Variants in PIAS1 observed in about 807,000 individuals in gnomAD.
PIAS1 encodes the protein protein inhibitor of activated STAT 1, also known as E3 SUMO-protein ligase PIAS1.
A neutral mutation model predicts 71.3 loss-of-function variants in PIAS1; 6 were observed. That is an observed-to-expected ratio of 0.08 (90% CI 0.05 to 0.17). The LOEUF (loss-of-function observed/expected upper bound fraction) is 0.17. Among genes scored for constraint, PIAS1 ranks in the 10% least tolerant of loss-of-function variants. The pLI is 1.00. For synonymous variants in PIAS1, 303 were observed against 292.9 expected (o/e 1.03, Z -0.35); for missense variants, 555 against 793.6 (o/e 0.70, Z 3.61).
At position 68,187,867 on chromosome 15, in the gene PIAS1, C is replaced by G. The variant is rs187975525; in HGVS notation, c.*32C>G. On this transcript the variant is annotated 3_prime_UTR_variant, in exon 14 of 14. Coordinates refer to ENST00000249636, the MANE Select transcript of PIAS1 (RefSeq NM_016166.3). This position sits in a 1 kb window ranked among gnomAD's most constrained non-coding sequence, Gnocchi z 5.3. Reference sequence around the variant, plus strand: ...GGCCCTGCTGCTCCCATCCCCACCCCAGATCGAATGAACTTGGCAGAAAGA... The same window carrying G: ...GGCCCTGCTGCTCCCATCCCCACCCGAGATCGAATGAACTTGGCAGAAAGA... 2.0e-5 allele frequency: 32 copies of G among 1,586,696 alleles called. 1 individual carries two copies. Among genetic ancestry groups the G allele is most frequent in the South Asian group, 1.2e-4 (11 of 89,124 alleles).
At chr15:68,113,968 T>G (rs965938547) in intron 2 of PIAS1, among the ~76,000 whole-genome samples, 1 of 151,800 alleles carries the variant, frequency 6.6e-6, no homozygotes, top group Non-Finnish European at 1.5e-5. Flanking sequence ...AATTCAGAAA[T>G]CTAGCAATAG....
In PIAS1 at chr15:68,191,648, T is replaced by G. The variant is rs1482871929; in HGVS notation, c.*3813T>G. ...TGAATATAGCCATCATTTCCCTTTC[T>G]TGTTGAAATATGGCTAACTCTTTAA... is the stretch of plus-strand genomic sequence containing the variant. On this transcript the variant is annotated 3_prime_UTR_variant, in exon 14 of 14. Transcript: ENST00000249636. 6.5e-6 allele frequency: 1 copy of G among 152,672 alleles called. No homozygotes were observed. Among genetic ancestry groups the G allele is most frequent in the Non-Finnish European group, 1.5e-5 (1 of 68,048 alleles). 9.5% of individuals were successfully genotyped at this position (152,672 alleles called of 1,614,324 possible).
Position 68,187,447 on chromosome 15 carries a change from C to A in PIAS1, c.1663-95C>A. 1 of 1,127,940 alleles carries A rather than the reference C, an allele frequency of 8.9e-7. No homozygotes were observed. Among genetic ancestry groups the A allele is most frequent in the South Asian group, 1.5e-5 (1 of 68,002 alleles). 69.9% of individuals were successfully genotyped at this position (1,127,940 alleles called of 1,614,324 possible). A position where few individuals can be genotyped will look rare whatever the true frequency, so the allele number is the denominator to read the frequency against. On this transcript the variant is annotated intron_variant, in intron 13 of 13. Transcript: ENST00000249636. The surrounding 1 kb of genome is among the most constrained non-coding windows in gnomAD (Gnocchi z 5.3). ...ATTTCAGAAACCCTAGATACTCAGG[C>A]TATCTTAAATTTAGGGCTGTGTCCC...
chr15:68,069,108 C>G (rs559927958), intron 1 of PIAS1, among the ~76,000 whole-genome samples: 119 of 151,682 alleles, frequency 7.8e-4, no homozygotes, highest in African/African-American at 2.8e-3. Flanking sequence ...GTTGGCCAGG[C>G]TGGTCTCGAA....
intron 2 of PIAS1, among the ~76,000 whole-genome samples, chr15:68,124,735 CAAAT>C (rs920524538): frequency 1.3e-5 from 2 of 151,936 alleles, no homozygotes; most frequent in South Asian, 2.1e-4. Flanking sequence ...AACAAACAAA[CAAAT>C]AAACAAAACC....
In PIAS1 at chr15:68,176,565, A is replaced by C. The variant is rs183046831; in HGVS notation, c.1392A>C (p.Ile464=). Residue 464 remains isoleucine, a synonymous_variant, in exon 11 of 14, where the codon ATA becomes ATC. Coordinates refer to ENST00000249636, the MANE Select transcript of PIAS1 (RefSeq NM_016166.3). Reference sequence around the variant, plus strand: ...AAGTAGAAGTGATTGACCTAACCATAGACAGTTCATCTGATGAAGAGGAAG... The same window carrying C: ...AAGTAGAAGTGATTGACCTAACCATCGACAGTTCATCTGATGAAGAGGAAG... ...NKKVEVIDLT[I]DSSSDEEEEE... 150 of 1,613,184 alleles carry C rather than the reference A, an allele frequency of 9.3e-5. No individual in the cohort carries two copies. Among genetic ancestry groups the C allele is most frequent in the Admixed American group, 3.0e-4 (18 of 59,900 alleles).
chr15:68,105,987 T>C (rs2092465126), intron 2 of PIAS1, among the ~76,000 whole-genome samples: 1 of 152,074 alleles, frequency 6.6e-6, no homozygotes, highest in South Asian at 2.1e-4. Context: ...CATAAACATT[T>C]TACCATTTAA....
chr15:68,083,745 CAATT>C (rs2092251518), intron 1 of PIAS1, among the ~76,000 whole-genome samples: 1 of 147,338 alleles, frequency 6.8e-6, no homozygotes. Context: ...ATAATTATGA[CAATT>C]GATGATGAAT....
At chr15:68,121,279 T>G (rs1030463310) in intron 2 of PIAS1, among the ~76,000 whole-genome samples, 4 of 151,956 alleles carry the variant, frequency 2.6e-5, no homozygotes, top group African/African-American at 9.7e-5. Context: ...TTTTTTTCTT[T>G]TGGCACTTCA....
chr15:68,102,865 T>C (rs1433371149), intron 2 of PIAS1, among the ~76,000 whole-genome samples: 1 of 152,168 alleles, frequency 6.6e-6, no homozygotes, highest in East Asian at 1.9e-4. Context: ...CTTTGCCTTA[T>C]TGCTTTATGG....
chr15:68,132,914 A>G (rs1185378435), intron 2 of PIAS1, among the ~76,000 whole-genome samples: 1 of 151,642 alleles, frequency 6.6e-6, no homozygotes, highest in East Asian at 1.9e-4. Context: ...TTCTTATCCC[A>G]TTCTCTGTCT....
In PIAS1 at chr15:68,096,098, A is replaced by G. The variant is rs138154438; in HGVS notation, c.469+9348A>G. 1.9e-4 allele frequency among the ~76,000 whole-genome samples: 29 copies of G among 152,302 alleles called. No individual in the cohort carries two copies. The East Asian group carries it at 1.9e-3, about 10-fold the overall frequency. On this transcript the variant is annotated intron_variant, in intron 2 of 13. Transcript: ENST00000249636. ...ACAAATAAATTAGTTTATTATCTCT[A>G]TATGTCCTTTCAAGATAATCTGCAG...
intron 1 of PIAS1, among the ~76,000 whole-genome samples, chr15:68,077,733 T>C (rs912744756): frequency 5.9e-5 from 9 of 152,222 alleles, no homozygotes; most frequent in African/African-American, 2.2e-4. Flanking sequence ...GTAGTTGTTA[T>C]TACCATGTAG....
chr15:68,091,674 CAA>C (rs1399508555), intron 2 of PIAS1, among the ~76,000 whole-genome samples: 1 of 152,098 alleles, frequency 6.6e-6, no homozygotes, highest in Non-Finnish European at 1.5e-5. Flanking sequence ...TGAAAATATC[CAA>C]AGTCAGAAAT....
chr15:68,061,596 C>T (rs2091959662), intron 1 of PIAS1: 1 of 152,210 alleles, frequency 6.6e-6, no homozygotes, highest in Non-Finnish European at 1.5e-5. Flanking sequence ...ATCAGTAACT[C>T]TCATAGGACT....
At chr15:68,137,512 C>T (rs74877124) in intron 2 of PIAS1, among the ~76,000 whole-genome samples, 2 of 151,750 alleles carry the variant, frequency 1.3e-5, no homozygotes, top group East Asian at 1.9e-4. Flanking sequence ...TTTCTGTGAT[C>T]CAGTGTAATG....
intron 1 of PIAS1, among the ~76,000 whole-genome samples, chr15:68,065,588 GAAAAA>G (rs572054813): frequency 2.6e-5 from 3 of 117,624 alleles, no homozygotes; most frequent in Non-Finnish European, 3.5e-5. Context: ...CCTGTCTCGA[GAAAAA>G]AAAAAAAAAA....
At chr15:68,140,484 G>A (rs1854841763) in intron 2 of PIAS1, among the ~76,000 whole-genome samples, 1 of 152,110 alleles carries the variant, frequency 6.6e-6, no homozygotes, top group African/African-American at 2.4e-5. Context: ...CCAGGTTGAT[G>A]TTTCACAATT....
At chr15:68,180,066 C>T (rs1258521871) in intron 11 of PIAS1, among the ~76,000 whole-genome samples, 1 of 151,920 alleles carries the variant, frequency 6.6e-6, no homozygotes, top group Non-Finnish European at 1.5e-5. Flanking sequence ...AAGAGGGCTA[C>T]TATAATTGTT....
Sources: gnomAD v4.1 joint callset for allele counts (sites outside exome capture counted in the v4.1 genomes callset) on GRCh38, gnomAD v4.1.1 for gene constraint, Gnocchi (gnomAD v3.1) non-coding constraint, MANE v1.5 for transcripts, NCBI Gene and HGNC (gene_info 2026-07-23, HGNC 2026-07-21) for gene names.